Variants in SMYD3 observed in about 807,000 individuals in gnomAD.
SMYD3 encodes histone-lysine N-methyltransferase SMYD3.
In SMYD3, 36 loss-of-function variants were observed where a neutral mutation model predicts 57.7. The ratio of observed to expected loss-of-function variants is 0.62; its 90% CI spans 0.48 to 0.82. The LOEUF (loss-of-function observed/expected upper bound fraction) is 0.82. Among genes scored for constraint, SMYD3 ranks in the 40% least tolerant of loss-of-function variants. The pLI is 0.00. For synonymous variants in SMYD3, 211 were observed against 195.0 expected (o/e 1.08, Z -0.68); for missense variants, 515 against 538.8 (o/e 0.96, Z 0.44).
chr1:245,935,215 A>C (rs2056930941), intron 5 of SMYD3, among the ~76,000 whole-genome samples: 1 of 152,232 alleles, frequency 6.6e-6, no homozygotes, highest in South Asian at 2.1e-4. Context: ...TATCAAGAAA[A>C]CAAACAACCC....
At chr1:246,217,569 A>G (rs180732790) in intron 5 of SMYD3, among the ~76,000 whole-genome samples, 2 of 152,298 alleles carry the variant, frequency 1.3e-5, no homozygotes, top group East Asian at 3.9e-4. Context: ...TCAGTGAACA[A>G]GACTCAGCAG....
intron 1 of SMYD3, among the ~76,000 whole-genome samples, chr1:246,390,628 A>T (rs190427308): frequency 1.3e-5 from 2 of 152,358 alleles, no homozygotes; most frequent in East Asian, 3.9e-4. Context: ...TTTTTAAAAC[A>T]TGAAACTTTA....
chr1:246,078,080 AAAT>A (rs1387880101), intron 5 of SMYD3, among the ~76,000 whole-genome samples: 1 of 152,084 alleles, frequency 6.6e-6, no homozygotes, highest in Non-Finnish European at 1.5e-5. Flanking sequence ...TTAAAATTTG[AAAT>A]AATATAAGTG....
chr1:246,097,682 AG>A (rs1414166832), intron 5 of SMYD3, among the ~76,000 whole-genome samples: 23 of 151,922 alleles, frequency 1.5e-4, no homozygotes, highest in South Asian at 1.0e-3. Context: ...CTGCCTGAGA[AG>A]TCACACAATA....
intron 5 of SMYD3, among the ~76,000 whole-genome samples, chr1:246,286,410 C>A (rs2064564577): frequency 6.6e-6 from 1 of 152,086 alleles, no homozygotes; most frequent in African/African-American, 2.4e-5. Context: ...CAAATATTTT[C>A]CACTGTCTTA....
At chr1:246,179,732 A>C (rs1025088807) in intron 5 of SMYD3, among the ~76,000 whole-genome samples, 8 of 152,196 alleles carry the variant, frequency 5.3e-5, no homozygotes, top group Non-Finnish European at 1.2e-4. Flanking sequence ...AAGGGATACT[A>C]CATTTCATTC....
chr1:245,893,064 AAC>A (rs946957933), intron 8 of SMYD3, among the ~76,000 whole-genome samples: 2 of 152,236 alleles, frequency 1.3e-5, no homozygotes, highest in African/African-American at 4.8e-5. Context: ...AAAAGATTTG[AAC>A]AGATATATCA....
intron 5 of SMYD3, among the ~76,000 whole-genome samples, chr1:246,225,369 C>T (rs538906592): frequency 6.1e-5 from 7 of 114,300 alleles, no homozygotes; most frequent in African/African-American, 2.2e-4. Flanking sequence ...AGAAAAGACA[C>T]CAGATTTGGC....
At chr1:246,105,129 C>T (rs12758708) in intron 5 of SMYD3, among the ~76,000 whole-genome samples, 3 of 151,832 alleles carry the variant, frequency 2.0e-5, no homozygotes, top group Non-Finnish European at 4.4e-5. Flanking sequence ...AAGATGATGA[C>T]ACATCACCCG....
intron 1 of SMYD3, among the ~76,000 whole-genome samples, chr1:246,499,684 G>A (rs968416097): frequency 6.6e-6 from 1 of 151,998 alleles, no homozygotes; most frequent in Non-Finnish European, 1.5e-5. Flanking sequence ...TCAAACTCCT[G>A]GGCTCATGTG....
intron 10 of SMYD3, among the ~76,000 whole-genome samples, chr1:245,843,958 A>G (rs2050534265): frequency 6.6e-6 from 1 of 152,224 alleles, no homozygotes; most frequent in African/African-American, 2.4e-5. Context: ...ACTAGTTGTT[A>G]TGTAAACACT....
intron 1 of SMYD3, among the ~76,000 whole-genome samples, chr1:246,420,153 T>A (rs574902762): frequency 6.6e-6 from 1 of 151,496 alleles, no homozygotes; most frequent in Non-Finnish European, 1.5e-5. Context: ...GAGCTGAGAT[T>A]GTGCCACTGC....
chr1:246,375,071 C>T (rs2066252815), intron 1 of SMYD3, among the ~76,000 whole-genome samples: 3 of 151,850 alleles, frequency 2.0e-5, no homozygotes, highest in Non-Finnish European at 4.4e-5. Flanking sequence ...CCAGCCTGGG[C>T]AACAGAGTAA....
chr1:246,174,976 G>C (rs2062409318), intron 5 of SMYD3, among the ~76,000 whole-genome samples: 1 of 152,138 alleles, frequency 6.6e-6, no homozygotes, highest in African/African-American at 2.4e-5. Context: ...GTATTAATGA[G>C]AGTGTGGGTT....
chr1:246,467,404 A>C lies in SMYD3; in HGVS notation c.164+39650T>G, dbSNP rs561236661. The stretch of plus-strand genomic sequence containing the variant: ...ATGGAGGCTAGAAAAACAATACAAA[A>C]GATCAATGAAACAAAGAGCTGGTTT... On this transcript the variant is annotated intron_variant, in intron 1 of 11. Coordinates refer to ENST00000490107, the MANE Select transcript of SMYD3 (RefSeq NM_001167740.2). Among the ~76,000 whole-genome samples the C allele has an allele frequency of 7.9e-5, 12 of 152,266 alleles. No individual in the cohort carries two copies. In the East Asian group the frequency reaches 2.3e-3, roughly 29 times the overall value.
chr1:246,369,796 A>AAGATTAGAGGCGTGATT (rs1235654064), intron 1 of SMYD3, among the ~76,000 whole-genome samples: 4 of 152,142 alleles, frequency 2.6e-5, no homozygotes, highest in African/African-American at 9.7e-5. Context: ...CCAAAGTGCT[A>AAGATTAGAGGCGTGATT]AGATTAGAGG....
At chr1:246,241,375 T>C (rs952121411) in intron 5 of SMYD3, among the ~76,000 whole-genome samples, 1 of 152,232 alleles carries the variant, frequency 6.6e-6, no homozygotes, top group African/African-American at 2.4e-5. Context: ...TTTGGTTCTG[T>C]TTATATGATG....
At chr1:245,928,101 A>C in intron 6 of SMYD3, 68 bp from the exon 7 acceptor site, 1 of 1,295,576 alleles carries the variant, frequency 7.7e-7, no homozygotes. Context: ...TAACAAATGC[A>C]GTGGGTAAAA....
intron 1 of SMYD3, among the ~76,000 whole-genome samples, chr1:246,413,997 A>C (rs1157758597): frequency 1.3e-5 from 2 of 152,240 alleles, no homozygotes; most frequent in Non-Finnish European, 2.9e-5. Flanking sequence ...TGTAATATTG[A>C]ATATGAAGTG....
Sources: gnomAD v4.1 joint callset for allele counts (sites outside exome capture counted in the v4.1 genomes callset) on GRCh38, gnomAD v4.1.1 for gene constraint, MANE v1.5 for transcripts, NCBI Gene and HGNC (gene_info 2026-07-23, HGNC 2026-07-21) for gene names.